Variants in STX8 observed in about 807,000 individuals in gnomAD.
The protein encoded by STX8 is syntaxin 8.
STX8 carries 23 observed loss-of-function variants against 37.5 expected under a neutral mutation model. That is an observed-to-expected ratio of 0.61 (90% CI 0.44 to 0.87). The LOEUF is 0.87. Among genes scored for constraint, STX8 ranks in the 40% least tolerant of loss-of-function variants. The probability of loss-of-function intolerance (pLI) is 0.00; values close to 1 mark genes in which losing one functional copy is unlikely to be tolerated. For synonymous variants in STX8, 115 were observed against 99.1 expected (o/e 1.16, Z -0.95); for missense variants, 313 against 284.7 (o/e 1.10, Z -0.71).
intron 7 of STX8, among the ~76,000 whole-genome samples, chr17:9,260,655 C>CAAACAAAA (rs1391603857): frequency 7.0e-6 from 1 of 142,316 alleles, no homozygotes; most frequent in Non-Finnish European, 1.6e-5. Flanking sequence ...AACAAACAAA[C>CAAACAAAA]AACTGTGGTC....
At chr17:9,347,286 C>G (rs1292129052) in intron 7 of STX8, among the ~76,000 whole-genome samples, 1 of 152,124 alleles carries the variant, frequency 6.6e-6, no homozygotes, top group African/African-American at 2.4e-5. Context: ...AAGCCCTCAG[C>G]CTTCCCAAAT....
intron 5 of STX8, among the ~76,000 whole-genome samples, chr17:9,493,867 A>G (rs1396743704): frequency 6.6e-6 from 1 of 152,250 alleles, no homozygotes; most frequent in Admixed American, 6.5e-5. Context: ...ATTAGAAAGT[A>G]CCTAAATGCC....
At chr17:9,475,559 C>T (rs931318575) in intron 6 of STX8, among the ~76,000 whole-genome samples, 3 of 152,294 alleles carry the variant, frequency 2.0e-5, no homozygotes, top group African/African-American at 4.8e-5. Flanking sequence ...CTGGAACCCC[C>T]GGAACAGCCT....
chr17:9,559,726 T>C (rs1031605684), intron 2 of STX8, among the ~76,000 whole-genome samples: 2 of 102,472 alleles, frequency 2.0e-5, no homozygotes, highest in Non-Finnish European at 3.9e-5. Flanking sequence ...TGAAAGATTA[T>C]TATTATTTTA....
chr17:9,531,080 A>G, intron 4 of STX8, among the ~76,000 whole-genome samples: 1 of 152,226 alleles, frequency 6.6e-6, no homozygotes, highest in Non-Finnish European at 1.5e-5. Flanking sequence ...CCTCTGTCAT[A>G]AATCAGGTGA....
intron 7 of STX8, among the ~76,000 whole-genome samples, chr17:9,287,237 G>T (rs1908108929): frequency 6.6e-6 from 1 of 152,092 alleles, no homozygotes. Flanking sequence ...ATTTGGGGTG[G>T]GGCAGGCTCC....
intron 7 of STX8, among the ~76,000 whole-genome samples, chr17:9,318,285 C>T: frequency 6.6e-6 from 1 of 151,506 alleles, no homozygotes; most frequent in Non-Finnish European, 1.5e-5. Flanking sequence ...CCCCACCCAC[C>T]AACAGGCCCC....
intron 7 of STX8, among the ~76,000 whole-genome samples, chr17:9,295,945 C>A (rs1161781592): frequency 6.6e-6 from 1 of 151,328 alleles, no homozygotes; most frequent in African/African-American, 2.4e-5. Context: ...AATCCCAGCA[C>A]TTTGGGAGGC....
At chr17:9,457,337 AG>A (rs1405329983) in intron 6 of STX8, among the ~76,000 whole-genome samples, 1 of 152,134 alleles carries the variant, frequency 6.6e-6, no homozygotes, top group East Asian at 1.9e-4. Context: ...TCCAGCTTCT[AG>A]GGGCTGCCCA....
At position 9,533,739 on chromosome 17, in the gene STX8, A is replaced by C. The variant is rs544464991; in HGVS notation, c.323+11433T>G. On this transcript the variant is annotated intron_variant, in intron 4 of 7. Transcript: ENST00000306357. ...AACCTTGAGTCTCTGGTTCTTCAAG[A>C]AACTTCAAGAACAGCGTTGCTATTG... 2.2e-3 allele frequency among the ~76,000 whole-genome samples: 338 copies of C among 152,352 alleles called. 1 individual carries two copies. Among genetic ancestry groups the C allele is most frequent in the African/African-American group, 7.7e-3 (320 of 41,576 alleles).
chr17:9,254,877 A>G (rs889284037), intron 7 of STX8, among the ~76,000 whole-genome samples: 1 of 152,126 alleles, frequency 6.6e-6, no homozygotes, highest in African/African-American at 2.4e-5. Context: ...GTATAAAACA[A>G]ATGAGTAAAT....
At chr17:9,283,562 A>G (rs989450483) in intron 7 of STX8, among the ~76,000 whole-genome samples, 7 of 152,170 alleles carry the variant, frequency 4.6e-5, no homozygotes, top group Non-Finnish European at 1.0e-4. Flanking sequence ...AAATAAAAGA[A>G]ATAGAATTCT....
At chr17:9,371,075 C>G (rs1911387847) in intron 7 of STX8, among the ~76,000 whole-genome samples, 1 of 152,120 alleles carries the variant, frequency 6.6e-6, no homozygotes, top group Non-Finnish European at 1.5e-5. Context: ...ACTTGAATCC[C>G]TTGTTAAGAA....
At chr17:9,349,416 G>A (rs1910633249) in intron 7 of STX8, among the ~76,000 whole-genome samples, 1 of 150,816 alleles carries the variant, frequency 6.6e-6, no homozygotes, top group Non-Finnish European at 1.5e-5. Flanking sequence ...CGCCTCCTGG[G>A]TTCAAGTGAT....
rs1905436271 is a variant in STX8, at chr17:9,523,344, T to C, written c.324-18182A>G. 3.4e-5 allele frequency among the ~76,000 whole-genome samples: 5 copies of C among 148,926 alleles called. No homozygotes were observed. In the Admixed American group the frequency reaches 3.4e-4, roughly 10 times the overall value. On this transcript the variant is annotated intron_variant, in intron 4 of 7. Coordinates refer to ENST00000306357, the MANE Select transcript of STX8 (RefSeq NM_004853.3). ...AAAAAAAAAATCACACTGTACCCCA[T>C]AAATATGTACACTTATATGTCAATT... is the stretch of plus-strand genomic sequence containing the variant.
chr17:9,356,619 G>A (rs1910886837), intron 7 of STX8, among the ~76,000 whole-genome samples: 2 of 152,210 alleles, frequency 1.3e-5, no homozygotes, highest in African/African-American at 4.8e-5. Flanking sequence ...AGTTCAGAAA[G>A]CAAGAAGAGG....
chr17:9,447,092 C>T (rs1904877413), intron 6 of STX8, among the ~76,000 whole-genome samples: 1 of 152,082 alleles, frequency 6.6e-6, no homozygotes, highest in African/African-American at 2.4e-5. Flanking sequence ...CTTTACCCAC[C>T]GTATTCAGGA....
At chr17:9,293,928 A>AT (rs368515734) in intron 7 of STX8, among the ~76,000 whole-genome samples, 42,542 of 149,530 alleles carry the variant, frequency 0.28, 6,870 homozygotes, top group East Asian at 0.44. Flanking sequence ...CGCCTGGCTA[A>AT]TTTTTTTTTT....
chr17:9,434,534 C>A (rs1284118124), intron 6 of STX8, among the ~76,000 whole-genome samples: 1 of 152,142 alleles, frequency 6.6e-6, no homozygotes, highest in African/African-American at 2.4e-5. Context: ...ATTAAGGCAG[C>A]AGAGGTGGGA....
Sources: allele counts gnomAD v4.1 joint callset (sites outside exome capture counted in the v4.1 genomes callset), GRCh38; gene constraint gnomAD v4.1.1; transcripts MANE v1.5; gene names NCBI Gene and HGNC (gene_info 2026-07-23, HGNC 2026-07-21).